The following STAC variants were observed in gnomAD, a reference collection of about 807,000 sequenced individuals.
STAC encodes the protein SH3 and cysteine-rich domain-containing protein.
A neutral mutation model predicts 48.8 loss-of-function variants in STAC; 43 were observed. The observed-to-expected ratio is 0.88, with a 90% CI of 0.69 to 1.14. STAC has a LOEUF of 1.14. Among genes scored for constraint, STAC ranks in the 50% most tolerant of loss-of-function variants. STAC has a pLI of 0.00. For missense variants in STAC, 497 were observed against 504.0 expected (o/e 0.99, Z 0.13); for synonymous variants, 193 against 179.5 (o/e 1.07, Z -0.60).
intron 2 of STAC, among the ~76,000 whole-genome samples, chr3:36,447,653 A>C (rs539682666): frequency 2.0e-4 from 26 of 132,812 alleles, no homozygotes; most frequent in Admixed American, 5.0e-4. Context: ...TACACACCAC[A>C]CACACACACA....
chr3:36,525,571 TC>T (rs369966862), intron 8 of STAC, among the ~76,000 whole-genome samples: 1 of 152,200 alleles, frequency 6.6e-6, no homozygotes, highest in Admixed American at 6.5e-5. Context: ...GAAAGGTACC[TC>T]CCCCAGCTTT....
chr3:36,511,263 T>C (rs1698531233), intron 8 of STAC, among the ~76,000 whole-genome samples: 1 of 152,188 alleles, frequency 6.6e-6, no homozygotes, highest in Non-Finnish European at 1.5e-5. Flanking sequence ...AGAATAATAA[T>C]GATCTCTTCC....
chr3:36,539,477 G>A (rs1699271841), intron 10 of STAC, among the ~76,000 whole-genome samples: 1 of 152,098 alleles, frequency 6.6e-6, no homozygotes, highest in Non-Finnish European at 1.5e-5. Context: ...TTCTGTTCCT[G>A]TGTTAGTTTG....
intron 2 of STAC, among the ~76,000 whole-genome samples, chr3:36,444,104 G>A (rs1199616002): frequency 6.6e-6 from 1 of 152,180 alleles, no homozygotes; most frequent in East Asian, 1.9e-4. Flanking sequence ...CCTTTGCCAA[G>A]GCTCAGTTAA....
chr3:36,474,407 T>A (rs73827515), intron 2 of STAC, among the ~76,000 whole-genome samples: 4,760 of 152,280 alleles, frequency 0.031, 223 homozygotes, highest in African/African-American at 0.11. Context: ...TAATTTTATC[T>A]TTATCATAGA....
intron 1 of STAC, among the ~76,000 whole-genome samples, chr3:36,414,618 G>A (rs781426368): frequency 5.9e-5 from 9 of 152,086 alleles, no homozygotes; most frequent in East Asian, 1.9e-4. Flanking sequence ...CGATGGGTTC[G>A]AACTTTCTCC....
chr3:36,402,332 C>A (rs7630030), intron 1 of STAC, among the ~76,000 whole-genome samples: 3,550 of 149,970 alleles, frequency 0.024, 61 homozygotes, highest in East Asian at 0.027. Flanking sequence ...AAGGGAAGAG[C>A]GAGGAAGAAG....
At chr3:36,438,823 A>T (rs1696231694) in intron 1 of STAC, among the ~76,000 whole-genome samples, 1 of 152,168 alleles carries the variant, frequency 6.6e-6, no homozygotes, top group African/African-American at 2.4e-5. Flanking sequence ...GGGAGACAAG[A>T]TTGGATGTGT....
chr3:36,517,014 G>C (rs1235796544), intron 8 of STAC, among the ~76,000 whole-genome samples: 4 of 152,136 alleles, frequency 2.6e-5, no homozygotes, highest in African/African-American at 9.7e-5. Flanking sequence ...AACTGGTCCA[G>C]CAAAAAGGGG....
intron 1 of STAC, among the ~76,000 whole-genome samples, chr3:36,438,039 G>C (rs1013475097): frequency 1.3e-5 from 2 of 151,642 alleles, no homozygotes; most frequent in Non-Finnish European, 2.9e-5. Context: ...CCAGGTTCAA[G>C]CAATTCTCCT....
intron 1 of STAC, among the ~76,000 whole-genome samples, chr3:36,427,315 G>T (rs1700589264): frequency 6.6e-6 from 1 of 152,134 alleles, no homozygotes; most frequent in Non-Finnish European, 1.5e-5. Context: ...ATGAATTCTT[G>T]TATGTGAAAT....
At chr3:36,382,492 T>C (rs577585356) in intron 1 of STAC, among the ~76,000 whole-genome samples, 1 of 152,360 alleles carries the variant, frequency 6.6e-6, no homozygotes, top group African/African-American at 2.4e-5. Flanking sequence ...AAATTAGTTT[T>C]TCTCAAAGTG....
intron 8 of STAC, among the ~76,000 whole-genome samples, chr3:36,518,647 T>C (rs1489306992): frequency 6.6e-6 from 1 of 152,194 alleles, no homozygotes; most frequent in Non-Finnish European, 1.5e-5. Context: ...AGATTCTCCA[T>C]GGGCAAGTCT....
At chr3:36,414,609 G>A (rs148860441) in intron 1 of STAC, among the ~76,000 whole-genome samples, 3,592 of 152,136 alleles carry the variant, frequency 0.024, 62 homozygotes, top group Non-Finnish European at 0.026. Context: ...ACTTCTTTGC[G>A]ATGGGTTCGA....
At chr3:36,442,739 TACACACACACACACACACACACAC>T (rs10528748) in intron 1 of STAC, among the ~76,000 whole-genome samples, 8,445 of 133,432 alleles carry the variant, frequency 0.063, 343 homozygotes, top group South Asian at 0.11. Flanking sequence ...TCCTATGTCC[TACACACACACACACACACACACAC>T]ACACACACAC....
chr3:36,403,081 T>C (rs1213158137), intron 1 of STAC, among the ~76,000 whole-genome samples: 2 of 152,358 alleles, frequency 1.3e-5, no homozygotes, highest in Non-Finnish European at 1.5e-5. Context: ...TCAAGAAGTA[T>C]TGTGACCATT....
rs112764857 is a variant in STAC at position 36,461,467 on chromosome 3, T to C, written c.388+17827T>C. Among the ~76,000 whole-genome samples, 574 of 152,190 alleles carry C rather than the reference T, an allele frequency of 3.8e-3. 3 individuals carry two copies. Among genetic ancestry groups the C allele is most frequent in the African/African-American group, 0.013 (540 of 41,526 alleles). ...GCTCTCAAAGAGTTGACATTTTAAC[T>C]GGGGAGACGATGGATGGATGATGGA... On this transcript the variant is annotated intron_variant, in intron 2 of 10. Coordinates refer to ENST00000273183, the MANE Select transcript of STAC (RefSeq NM_003149.3).
intron 10 of STAC, among the ~76,000 whole-genome samples, chr3:36,542,695 TTA>T (rs1323760832): frequency 2.0e-5 from 3 of 152,214 alleles, no homozygotes; most frequent in African/African-American, 2.4e-5. Flanking sequence ...CAAAAAAATA[TTA>T]TGTTTTATGT....
intron 2 of STAC, among the ~76,000 whole-genome samples, chr3:36,471,416 T>C (rs1257360578): frequency 6.6e-6 from 1 of 152,108 alleles, no homozygotes; most frequent in Non-Finnish European, 1.5e-5. Context: ...AAATCTCATG[T>C]CCTCACATTT....
Sources: gnomAD v4.1 joint callset for allele counts (sites outside exome capture counted in the v4.1 genomes callset) on GRCh38, gnomAD v4.1.1 for gene constraint, MANE v1.5 for transcripts, NCBI Gene and HGNC (gene_info 2026-07-23, HGNC 2026-07-21) for gene names.